Variants in IGSF21 observed in about 807,000 individuals in gnomAD.
IGSF21 encodes immunoglobin superfamily member 21.
A neutral mutation model predicts 46.8 loss-of-function variants in IGSF21; 28 were observed. The observed-to-expected ratio is 0.60, with a 90% CI of 0.44 to 0.82. IGSF21 has a LOEUF of 0.82. IGSF21 is among the 40% of genes least tolerant of loss of function. The pLI is 0.00. For missense variants in IGSF21, 624 were observed against 665.5 expected (o/e 0.94, Z 0.69); for synonymous variants, 284 against 273.6 (o/e 1.04, Z -0.38).
chr1:18,157,059 G>A (rs999048268), intron 1 of IGSF21, among the ~76,000 whole-genome samples: 16 of 152,112 alleles, frequency 1.1e-4, no homozygotes, highest in Non-Finnish European at 8.8e-5. Context: ...GGAAGGCGGA[G>A]TTTGCAGAGA....
At chr1:18,297,146 G>C (rs1338278847) in intron 3 of IGSF21, among the ~76,000 whole-genome samples, 1 of 152,152 alleles carries the variant, frequency 6.6e-6, no homozygotes, top group Admixed American at 6.5e-5. Flanking sequence ...CATGAGGACA[G>C]GGACTAGGTC....
chr1:18,195,296 G>C (rs1443113829), intron 1 of IGSF21, among the ~76,000 whole-genome samples: 2 of 152,224 alleles, frequency 1.3e-5, no homozygotes, highest in Non-Finnish European at 2.9e-5. Flanking sequence ...GTCTCCAGGG[G>C]ATGGAATGTC....
intron 1 of IGSF21, among the ~76,000 whole-genome samples, chr1:18,160,987 CATT>C (rs537826039): frequency 1.4e-3 from 215 of 152,222 alleles, no homozygotes; most frequent in African/African-American, 4.7e-3. Flanking sequence ...ACTGGGAAGT[CATT>C]ATGGGTGCAG....
Position 18,144,628 on chromosome 1 carries a change from C to G in IGSF21, c.70+36430C>G, listed in dbSNP as rs531390077. On this transcript the variant is annotated intron_variant, in intron 1 of 9. Transcript: ENST00000251296. ...AGGTGACTTGGTCTAACCAGAGAAG[C>G]CTCCAGTAAATAGAGCCCCTTAGAC... Among the ~76,000 whole-genome samples, 189 of 152,218 alleles carry G rather than the reference C, an allele frequency of 1.2e-3. 2 individuals carry two copies. The highest frequency in any genetic ancestry group is 5.8e-4 in the East Asian group (3 of 5,178).
intron 1 of IGSF21, among the ~76,000 whole-genome samples, chr1:18,208,397 T>TATATATATATATCTATATATATATATATA (rs368652183): frequency 1.1e-5 from 1 of 92,586 alleles, no homozygotes; most frequent in Non-Finnish European, 2.3e-5. Flanking sequence ...ATATATATAT[T>TATATATATATATCTATATATATATATATA]TTTTGAGACG....
At chr1:18,163,461 A>T (rs2086647944) in intron 1 of IGSF21, among the ~76,000 whole-genome samples, 1 of 152,260 alleles carries the variant, frequency 6.6e-6, no homozygotes, top group Middle Eastern at 3.4e-3. Flanking sequence ...TTTCCTTGGC[A>T]CTTGCCGGGA....
At chr1:18,346,046 T>C (rs2085890201) in intron 4 of IGSF21, among the ~76,000 whole-genome samples, 1 of 152,200 alleles carries the variant, frequency 6.6e-6, no homozygotes, top group South Asian at 2.1e-4. Context: ...TGTCCATAGC[T>C]CACAGTGAGT....
Position 18,118,661 on chromosome 1 carries a change from G to C in IGSF21, c.70+10463G>C, listed in dbSNP as rs560373691. Among the ~76,000 whole-genome samples, 5 of 152,258 alleles carry C rather than the reference G, an allele frequency of 3.3e-5. No homozygotes were observed. The South Asian group carries it at 8.3e-4, about 25-fold the overall frequency. ...TGTTTCCGTCTGCAGCAGAGAAGTG[G>C]GTCTGATCTCAGCTTGGAAGGGAAG... is the stretch of plus-strand genomic sequence containing the variant. On this transcript the variant is annotated intron_variant, in intron 1 of 9. Coordinates refer to ENST00000251296, the MANE Select transcript of IGSF21 (RefSeq NM_032880.5).
chr1:18,313,680 T>A (rs2355876), intron 3 of IGSF21, among the ~76,000 whole-genome samples: 133,696 of 152,150 alleles, frequency 0.88, 58,796 homozygotes, highest in East Asian at 0.99. Flanking sequence ...GCTCTCCATC[T>A]CCACCTGGAT....
chr1:18,142,400 G>C (rs1037270006), intron 1 of IGSF21, among the ~76,000 whole-genome samples: 1 of 152,164 alleles, frequency 6.6e-6, no homozygotes, highest in African/African-American at 2.4e-5. Context: ...GGCTTGTTCC[G>C]CCTTTGCCAC....
chr1:18,320,500 C>T (rs777021789), intron 3 of IGSF21, among the ~76,000 whole-genome samples: 23 of 152,164 alleles, frequency 1.5e-4, no homozygotes, highest in African/African-American at 2.4e-4. Flanking sequence ...GATGAAGCGG[C>T]GGGAGTCAGG....
intron 1 of IGSF21, among the ~76,000 whole-genome samples, chr1:18,162,734 A>G (rs144336012): frequency 2.0e-5 from 3 of 152,346 alleles, no homozygotes; most frequent in Non-Finnish European, 2.9e-5. Context: ...TTAGGGACAT[A>G]GCGTGGGGCC....
chr1:18,326,861 G>A (rs977823718), intron 3 of IGSF21, among the ~76,000 whole-genome samples: 3 of 152,134 alleles, frequency 2.0e-5, no homozygotes, highest in African/African-American at 7.2e-5. Context: ...CCAGATCTTC[G>A]CTGTCATAAG....
At chr1:18,239,530 C>T (rs896825032) in intron 2 of IGSF21, among the ~76,000 whole-genome samples, 2 of 152,192 alleles carry the variant, frequency 1.3e-5, no homozygotes, top group African/African-American at 4.8e-5. Flanking sequence ...CAAGGTTCTT[C>T]TTGATTCAAC....
intron 2 of IGSF21, among the ~76,000 whole-genome samples, chr1:18,233,306 T>C (rs1323603796): frequency 6.6e-6 from 1 of 152,174 alleles, no homozygotes; most frequent in African/African-American, 2.4e-5. Flanking sequence ...GTGGTGCAGA[T>C]GATGCGACCT....
At chr1:18,314,836 G>T (rs1009474912) in intron 3 of IGSF21, among the ~76,000 whole-genome samples, 1 of 152,196 alleles carries the variant, frequency 6.6e-6, no homozygotes, top group Non-Finnish European at 1.5e-5. Flanking sequence ...GAGGAGGAGG[G>T]GAAGAGCTGG....
chr1:18,330,477 TG>T lies in IGSF21; in HGVS notation c.306-4413del, dbSNP rs566784080. Among the ~76,000 whole-genome samples, 45 of 151,842 alleles carry T rather than the reference TG, an allele frequency of 3.0e-4. 2 individuals are homozygous for T. In the South Asian group the frequency reaches 9.4e-3, roughly 32 times the overall value. ...AAAATAACTTGGCTCATGGGAGGAA[TG>T]GAAAGAATGCCACTGTAGCTGGAGG... On this transcript the variant is annotated intron_variant, in intron 3 of 9. Transcript: ENST00000251296.
intron 1 of IGSF21, among the ~76,000 whole-genome samples, chr1:18,191,066 G>A (rs1043478882): frequency 6.6e-6 from 1 of 152,178 alleles, no homozygotes; most frequent in Admixed American, 6.5e-5. Context: ...ACCCTGCGAG[G>A]CTCCAGGGAC....
At chr1:18,161,129 A>G (rs1340084416) in intron 1 of IGSF21, among the ~76,000 whole-genome samples, 1 of 152,232 alleles carries the variant, frequency 6.6e-6, no homozygotes, top group Admixed American at 6.5e-5. Context: ...GGGTCCAGGT[A>G]AGGAAAGAAA....
Sources: gnomAD v4.1 joint callset for allele counts (sites outside exome capture counted in the v4.1 genomes callset) on GRCh38, gnomAD v4.1.1 for gene constraint, MANE v1.5 for transcripts, NCBI Gene and HGNC (gene_info 2026-07-23, HGNC 2026-07-21) for gene names.